NSFL1C: variants seen among roughly 807,000 people sequenced by gnomAD.
NSFL1C encodes the protein NSFL1 cofactor p47.
NSFL1C carries 14 observed loss-of-function variants against 43.1 expected under a neutral mutation model. The observed-to-expected ratio is 0.32, with a 90% confidence interval of 0.21 to 0.51. The LOEUF (loss-of-function observed/expected upper bound fraction) is 0.51, where lower values mean the gene tolerates loss of function less well. NSFL1C is among the 20% of genes least tolerant of loss of function. The pLI is 0.98. For missense variants in NSFL1C, 406 were observed against 472.5 expected (o/e 0.86, Z 1.30); for synonymous variants, 171 against 183.5 (o/e 0.93, Z 0.55).
rs1402474966 is a variant in NSFL1C, at chr20:1,454,439, G to C, written c.445-134C>G. The C allele has an allele frequency of 7.8e-6, 5 of 640,904 alleles. No individual in the cohort carries two copies. The African/African-American group carries it at 9.1e-5, about 12-fold the overall frequency. The allele number at this position is 640,904 out of a possible 1,614,324, so 39.7% of individuals were successfully genotyped here. On this transcript the variant is annotated intron_variant, in intron 4 of 8. Transcript: ENST00000216879. ...TCCTGATCAAGCTTGTTAGCTACTAGATGCACTTTCTCTGATATCAGACTC... is the reference window on the plus strand; with the variant it reads ...TCCTGATCAAGCTTGTTAGCTACTACATGCACTTTCTCTGATATCAGACTC...
rs73891552 is a variant in NSFL1C, at chr20:1,465,690, T to C, written c.105+1030A>G. Among the ~76,000 whole-genome samples the C allele has an allele frequency of 2.2e-3, 332 of 152,282 alleles. 1 individual carries two copies. Among genetic ancestry groups the C allele is most frequent in the African/African-American group, 7.9e-3 (329 of 41,556 alleles). ...CTCTGTGCTTCCAATTCCTCATCCA[T>C]AAAATGGGTCTAGTCTTTACCTCAT... On this transcript the variant is annotated intron_variant, in intron 1 of 8. Coordinates refer to ENST00000216879, the MANE Select transcript of NSFL1C (RefSeq NM_016143.5).
chr20:1,448,495 C>A (rs1291280656), intron 7 of NSFL1C, among the ~76,000 whole-genome samples: 1 of 152,208 alleles, frequency 6.6e-6, no homozygotes, highest in Non-Finnish European at 1.5e-5. Flanking sequence ...CGTCCCATTG[C>A]AGACTGCTGG....
At position 1,450,971 on chromosome 20, in the gene NSFL1C, A is replaced by G. The variant is rs1436141202; in HGVS notation, c.785+1522T>C. On this transcript the variant is annotated intron_variant, in intron 7 of 8. Transcript: ENST00000216879. ...GATACAACAGCATGTTTACAAATACATGCAAATGAGTAAGAGAAGAAAGAT... is the reference window on the plus strand; with the variant it reads ...GATACAACAGCATGTTTACAAATACGTGCAAATGAGTAAGAGAAGAAAGAT... 3.3e-5 allele frequency among the ~76,000 whole-genome samples: 5 copies of G among 152,234 alleles called. No individual in the cohort carries two copies. In the East Asian group the frequency reaches 7.7e-4, roughly 23 times the overall value.
chr20:1,462,821 C>T (rs946726357), intron 2 of NSFL1C, among the ~76,000 whole-genome samples: 6 of 152,096 alleles, frequency 3.9e-5, no homozygotes, highest in African/African-American at 1.4e-4. Context: ...CCGCGCCTGG[C>T]CACTTTTATG....
chr20:1,458,362 G>C (rs2090345082), intron 2 of NSFL1C, 88 bp from the exon 3 acceptor site: 5 of 1,092,738 alleles, frequency 4.6e-6, no homozygotes, highest in Non-Finnish European at 7.0e-6. Flanking sequence ...TGAAGACACT[G>C]AGGTTACATT....
At position 1,447,382 on chromosome 20, in the gene NSFL1C, T is replaced by C. The variant is rs573805457; in HGVS notation, c.786-1552A>G. On this transcript the variant is annotated intron_variant, in intron 7 of 8. Transcript: ENST00000216879. ...GTATGCGACCCAGGACAGTTTTGAA[T>C]GCAGCCCAACACAAATTTGTAAACT... Among the ~76,000 whole-genome samples, 6 of 152,114 alleles carry C rather than the reference T, an allele frequency of 3.9e-5. No homozygotes were observed. In the East Asian group the frequency reaches 1.2e-3, roughly 29 times the overall value.
Position 1,458,123 on chromosome 20 carries a change from G to A in NSFL1C, c.278+77C>T, listed in dbSNP as rs2090339329. 5.3e-6 allele frequency: 6 copies of A among 1,122,536 alleles called. No individual in the cohort carries two copies. The Middle Eastern group carries it at 1.2e-3, about 226-fold the overall frequency. 69.5% of individuals were successfully genotyped at this position (1,122,536 alleles called of 1,614,324 possible). A position where few individuals can be genotyped will look rare whatever the true frequency, so the allele number is the denominator to read the frequency against. On this transcript the variant is annotated intron_variant, in intron 3 of 8. Transcript: ENST00000216879. The stretch of plus-strand genomic sequence containing the variant: ...AACAATAACCAAACATGTTTACCAG[G>A]TCCTGTTCTAGGTGATTTACACATT...
At chr20:1,450,308 G>C (rs973032361) in intron 7 of NSFL1C, among the ~76,000 whole-genome samples, 6 of 151,648 alleles carry the variant, frequency 4.0e-5, no homozygotes, top group Middle Eastern at 3.2e-3. Flanking sequence ...AAAAGCTAAA[G>C]TCCCATCTCA....
intron 1 of NSFL1C, among the ~76,000 whole-genome samples, chr20:1,464,845 TA>T (rs879283498): frequency 8.6e-5 from 13 of 151,898 alleles, no homozygotes; most frequent in East Asian, 1.9e-4. Context: ...CACTGAGGAT[TA>T]AAAAAAAATT....
chr20:1,454,097 C>G, intron 5 of NSFL1C, 116 bp downstream of exon 5: 2 of 785,300 alleles, frequency 2.5e-6, no homozygotes, highest in Middle Eastern at 6.1e-4. Flanking sequence ...AGGGCACTGT[C>G]TCTGTTAGTT....
chr20:1,462,820 G>A (rs1771443633), intron 2 of NSFL1C, among the ~76,000 whole-genome samples: 1 of 152,090 alleles, frequency 6.6e-6, no homozygotes. Flanking sequence ...ACCGCGCCTG[G>A]CCACTTTTAT....
At chr20:1,459,731 T>G (rs1343105763) in intron 2 of NSFL1C, among the ~76,000 whole-genome samples, 1 of 152,198 alleles carries the variant, frequency 6.6e-6, no homozygotes, top group African/African-American at 2.4e-5. Context: ...CATTCCTTGA[T>G]GCTTGATATG....
Position 1,443,915 on chromosome 20 carries a change from C to T in NSFL1C, c.951-4G>A. ...GAAGAGTCGGATGTCGCTGATCCTG[C>T]AGGAGTTGGGGAAGCGGTGAGCAGT... is the stretch of plus-strand genomic sequence containing the variant. On this transcript the variant is annotated splice_polypyrimidine_tract_variant and splice_region_variant and intron_variant, in intron 8 of 8. Transcript: ENST00000216879. 6.2e-7 allele frequency: 1 copy of T among 1,608,972 alleles called. No homozygotes were observed. The highest frequency in any genetic ancestry group is 8.5e-7 in the Non-Finnish European group (1 of 1,179,264).
At chr20:1,466,399 CA>C (rs2122978572) in intron 1 of NSFL1C, among the ~76,000 whole-genome samples, 2 of 152,364 alleles carry the variant, frequency 1.3e-5, no homozygotes, top group South Asian at 4.1e-4. Flanking sequence ...CGGCCTCCAG[CA>C]GATACTCGGC....
At chr20:1,454,894 G>T in intron 4 of NSFL1C, 73 bp downstream of exon 4, 2 of 1,488,670 alleles carry the variant, frequency 1.3e-6, no homozygotes, top group Non-Finnish European at 1.9e-6. Context: ...AGTCACTACC[G>T]GGGTGAAGAA....
chr20:1,462,628 TCTC>T (rs1241598040), intron 2 of NSFL1C, among the ~76,000 whole-genome samples: 4 of 151,972 alleles, frequency 2.6e-5, no homozygotes, highest in African/African-American at 4.8e-5. Context: ...TTCACGCCAT[TCTC>T]CTGCCTCAGC....
At chr20:1,458,701 A>C (rs570583347) in intron 2 of NSFL1C, among the ~76,000 whole-genome samples, 134 of 152,274 alleles carry the variant, frequency 8.8e-4, no homozygotes, top group Non-Finnish European at 1.6e-3. Context: ...ACCAACTGCC[A>C]AAGAACTAGT....
At chr20:1,452,409 A>G (rs2090199607) in intron 7 of NSFL1C, 84 bp downstream of exon 7, 1 of 1,525,830 alleles carries the variant, frequency 6.6e-7, no homozygotes, top group Non-Finnish European at 8.9e-7. Context: ...AAGAGCTAAT[A>G]ACCAAAGTGA....
intron 2 of NSFL1C, among the ~76,000 whole-genome samples, chr20:1,463,172 GA>G (rs1193510214): frequency 6.6e-6 from 1 of 152,158 alleles, no homozygotes; most frequent in African/African-American, 2.4e-5. Context: ...CTGGAGAAAA[GA>G]AAGGAGTAAA....
Sources: gnomAD v4.1 joint callset for allele counts (sites outside exome capture counted in the v4.1 genomes callset) on GRCh38, gnomAD v4.1.1 for gene constraint, MANE v1.5 for transcripts, NCBI Gene and HGNC (gene_info 2026-07-23, HGNC 2026-07-21) for gene names.